DAB1: variants seen among roughly 807,000 people sequenced by gnomAD.
The protein encoded by DAB1 is DAB adaptor protein 1, also known as disabled homolog 1.
In DAB1, 15 loss-of-function variants were observed where a neutral mutation model predicts 64.6. The observed-to-expected ratio is 0.23, with a 90% confidence interval of 0.16 to 0.36. The LOEUF is 0.36. Ranked by LOEUF, DAB1 falls within the 10% of genes least tolerant of loss-of-function variation. DAB1 has a pLI of 1.00. For missense variants in DAB1, 596 were observed against 706.7 expected (o/e 0.84, Z 1.78); for synonymous variants, 235 against 251.9 (o/e 0.93, Z 0.64).
chr1:57,261,466 C>T (rs1244632486), intron 2 of DAB1, among the ~76,000 whole-genome samples: 2 of 151,986 alleles, frequency 1.3e-5, no homozygotes, highest in East Asian at 1.9e-4. Context: ...GTGTTGTTTA[C>T]TCTGCTCTCT....
intron 5 of DAB1, among the ~76,000 whole-genome samples, chr1:58,108,666 A>T (rs1018315092): frequency 1.3e-5 from 2 of 152,204 alleles, no homozygotes; most frequent in Non-Finnish European, 2.9e-5. Context: ...TGCCACTGCT[A>T]TGAGCTCCAA....
intron 5 of DAB1, among the ~76,000 whole-genome samples, chr1:57,944,676 G>A (rs907784703): frequency 4.6e-5 from 7 of 152,190 alleles, no homozygotes; most frequent in African/African-American, 1.7e-4. Flanking sequence ...TGATTTGTAA[G>A]TGTCTAATAG....
intron 2 of DAB1, among the ~76,000 whole-genome samples, chr1:57,204,309 C>T (rs996251402): frequency 6.6e-5 from 10 of 151,806 alleles, no homozygotes; most frequent in African/African-American, 2.4e-4. Context: ...AAAAAAAGCA[C>T]AGTTATTTTG....
At chr1:57,630,382 T>C (rs1645974703) in intron 7 of DAB1, among the ~76,000 whole-genome samples, 1 of 152,206 alleles carries the variant, frequency 6.6e-6, no homozygotes, top group Non-Finnish European at 1.5e-5. Flanking sequence ...TCCACTCTAG[T>C]GTTCGATAAC....
At chr1:57,798,284 A>C (rs1349450025) in intron 6 of DAB1, among the ~76,000 whole-genome samples, 1 of 152,240 alleles carries the variant, frequency 6.6e-6, no homozygotes, top group African/African-American at 2.4e-5. Flanking sequence ...CTTGCTCAAA[A>C]TAACACAGCA....
At chr1:58,195,661 A>T (rs1347194901) in intron 4 of DAB1, among the ~76,000 whole-genome samples, 1 of 152,222 alleles carries the variant, frequency 6.6e-6, no homozygotes, top group Non-Finnish European at 1.5e-5. Context: ...TATATGATTC[A>T]GGACTGGAAT....
chr1:57,921,674 C>T (rs1271542685), intron 5 of DAB1, among the ~76,000 whole-genome samples: 1 of 152,194 alleles, frequency 6.6e-6, no homozygotes. Flanking sequence ...TGTCATCTCT[C>T]AGGGGAATCT....
rs370540522 is a variant in DAB1, at chr1:57,025,964, G to A, written c.786+17C>T. ...AGGAATTCAGAGAGCAGGGTTCAGA[G>A]AGCAATGCATACTTACGGGGGGAGA... On this transcript the variant is annotated intron_variant, in intron 10 of 14. Coordinates refer to ENST00000371236, the MANE Select transcript of DAB1 (RefSeq NM_001365792.1). 1 of 1,562,164 alleles carries A rather than the reference G, an allele frequency of 6.4e-7. No homozygotes were observed. Among genetic ancestry groups the A allele is most frequent in the Non-Finnish European group, 8.6e-7 (1 of 1,157,286 alleles).
At chr1:57,317,897 T>C (rs1048045565) in intron 1 of DAB1, among the ~76,000 whole-genome samples, 7 of 152,188 alleles carry the variant, frequency 4.6e-5, no homozygotes, top group African/African-American at 1.7e-4. Flanking sequence ...AAGTCATTGT[T>C]GATACTGAGT....
intron 3 of DAB1, among the ~76,000 whole-genome samples, chr1:58,461,108 G>T (rs1259433069): frequency 1.3e-5 from 2 of 152,212 alleles, no homozygotes; most frequent in African/African-American, 2.4e-5. Flanking sequence ...AGAGTCATCA[G>T]TGTAAGCAAG....
chr1:57,664,964 T>C (rs184670284), intron 6 of DAB1, among the ~76,000 whole-genome samples: 285 of 152,176 alleles, frequency 1.9e-3, no homozygotes, highest in Non-Finnish European at 2.4e-3. Context: ...ATTTTCTTCT[T>C]TTTGCTTATT....
At position 58,249,648 on chromosome 1, in the gene DAB1, G is replaced by A. The variant is rs1455120797; in HGVS notation, n.309+93704C>T. On this transcript the variant is annotated intron_variant and non_coding_transcript_variant, in intron 4 of 20. Coordinates refer to the DAB1 transcript ENST00000485760. ...TCAAGACCACAGGACTGAACCCCCC[G>A]GAAGTCTCGACGCTGCCCAGCCAGC... 5.3e-5 allele frequency among the ~76,000 whole-genome samples: 8 copies of A among 152,246 alleles called. No homozygotes were observed. In the South Asian group the frequency reaches 1.2e-3, roughly 24 times the overall value.
chr1:58,097,801 C>T (rs535038314), intron 5 of DAB1, among the ~76,000 whole-genome samples: 5 of 152,158 alleles, frequency 3.3e-5, no homozygotes, highest in East Asian at 3.9e-4. Context: ...GACAGGCTGC[C>T]GCTACTGTCT....
intron 4 of DAB1, among the ~76,000 whole-genome samples, chr1:57,089,433 C>G (rs1653420722): frequency 6.6e-6 from 1 of 152,184 alleles, no homozygotes; most frequent in South Asian, 2.1e-4. Context: ...GTGCCAGCAT[C>G]TGCTCAGCAA....
intron 3 of DAB1, among the ~76,000 whole-genome samples, chr1:58,503,546 A>C (rs1358377146): frequency 6.6e-6 from 1 of 152,108 alleles, no homozygotes; most frequent in Middle Eastern, 3.2e-3. Context: ...TCCAACTCCC[A>C]ATGTGATGGT....
At chr1:57,004,495 TAC>T (rs1645991950) in intron 14 of DAB1, among the ~76,000 whole-genome samples, 1 of 152,212 alleles carries the variant, frequency 6.6e-6, no homozygotes, top group Non-Finnish European at 1.5e-5. Context: ...TGAGTGAGCC[TAC>T]TTATGCCCCA....
intron 2 of DAB1, among the ~76,000 whole-genome samples, chr1:57,219,379 T>G (rs1557963372): frequency 6.6e-6 from 1 of 152,146 alleles, no homozygotes; most frequent in Admixed American, 6.6e-5. Flanking sequence ...GATATTGCTC[T>G]TATTTCTCTC....
intron 1 of DAB1, among the ~76,000 whole-genome samples, chr1:57,327,637 C>G (rs1178707339): frequency 1.3e-5 from 2 of 152,150 alleles, no homozygotes; most frequent in African/African-American, 4.8e-5. Flanking sequence ...CAAAACACCT[C>G]CTGTGTCTTG....
At chr1:57,705,326 A>C (rs922041416) in intron 6 of DAB1, among the ~76,000 whole-genome samples, 1 of 152,160 alleles carries the variant, frequency 6.6e-6, no homozygotes, top group Non-Finnish European at 1.5e-5. Context: ...TAGTTTAGGT[A>C]AGTTCCTGTA....
Sources: allele counts gnomAD v4.1 joint callset (sites outside exome capture counted in the v4.1 genomes callset), GRCh38; gene constraint gnomAD v4.1.1; transcripts MANE v1.5; gene names NCBI Gene and HGNC (gene_info 2026-07-23, HGNC 2026-07-21).